The following CACNA1C variants were observed in gnomAD, a reference collection of about 807,000 sequenced individuals.
CACNA1C encodes the protein voltage-dependent L-type calcium channel subunit alpha-1C.
A neutral mutation model predicts 229.0 loss-of-function variants in CACNA1C; 30 were observed. The ratio of observed to expected loss-of-function variants is 0.13; its 90% confidence interval spans 0.10 to 0.18. The LOEUF is 0.18. Ranked by LOEUF, CACNA1C falls within the 10% of genes least tolerant of loss-of-function variation. CACNA1C has a pLI of 1.00. For synonymous variants in CACNA1C, 1,114 were observed against 1,132.5 expected (o/e 0.98, Z 0.33); for missense variants, 1,658 against 2,845.0 (o/e 0.58, Z 9.49).
At chr12:2,104,188 G>A (rs765439632) in intron 1 of CACNA1C, among the ~76,000 whole-genome samples, 5 of 152,120 alleles carry the variant, frequency 3.3e-5, no homozygotes, top group Non-Finnish European at 7.4e-5. Flanking sequence ...TTTTGATATT[G>A]ATTCTTCCTA....
rs2095311885 is a variant in CACNA1C, at chr12:2,654,608, G to T, written c.4141-539G>T. On this transcript the variant is annotated intron_variant, in intron 33 of 46. Transcript: ENST00000399655. This position sits in a 1 kb window ranked among gnomAD's most constrained non-coding sequence, Gnocchi z 4.4. ...TCGCAGAAAGACCCAAGATTCAGTT[G>T]CCAAAACCTTTTGAGACTAAAAGAG... Among the ~76,000 whole-genome samples, 1 of 152,170 alleles carries T rather than the reference G, an allele frequency of 6.6e-6. No homozygotes were observed. The highest frequency in any genetic ancestry group is 1.5e-5 in the Non-Finnish European group (1 of 68,032).
At chr12:2,625,654 C>G (rs191445018) in intron 29 of CACNA1C, among the ~76,000 whole-genome samples, 8 of 152,194 alleles carry the variant, frequency 5.3e-5, no homozygotes, top group Non-Finnish European at 1.2e-4. Flanking sequence ...ATCATTCTCA[C>G]AAAGCCCTAT....
At chr12:2,293,492 C>T (rs578045708) in intron 3 of CACNA1C, among the ~76,000 whole-genome samples, 8 of 152,350 alleles carry the variant, frequency 5.3e-5, no homozygotes, top group African/African-American at 9.6e-5. Flanking sequence ...ACTGGCCACA[C>T]GTGGTCCAGG....
At chr12:2,289,125 C>A (rs1203122758) in intron 3 of CACNA1C, among the ~76,000 whole-genome samples, 1 of 152,184 alleles carries the variant, frequency 6.6e-6, no homozygotes, top group African/African-American at 2.4e-5. Context: ...GCAGAGCCAG[C>A]AGGAGCCAAG....
intron 3 of CACNA1C, among the ~76,000 whole-genome samples, chr12:2,447,481 C>T (rs955745289): frequency 1.2e-4 from 19 of 152,204 alleles, no homozygotes; most frequent in Admixed American, 1.2e-3. Context: ...CTACGATGCA[C>T]ATTTCCAAGC....
At chr12:2,584,469 A>C (rs2061691770) in intron 15 of CACNA1C, 34 bp from the exon 16 acceptor site, 3 of 1,540,666 alleles carry the variant, frequency 1.9e-6, no homozygotes, top group Non-Finnish European at 2.7e-6. Context: ...ACCCCAAACC[A>C]AGGGTCATTT....
chr12:2,343,057 G>C (rs902266336), intron 3 of CACNA1C, among the ~76,000 whole-genome samples: 1 of 152,218 alleles, frequency 6.6e-6, no homozygotes, highest in Non-Finnish European at 1.5e-5. Flanking sequence ...GCTTTCAAGA[G>C]CTCAGCAACC....
At chr12:2,514,826 G>C (rs1170607047) in intron 9 of CACNA1C, among the ~76,000 whole-genome samples, 1 of 151,992 alleles carries the variant, frequency 6.6e-6, no homozygotes, top group Non-Finnish European at 1.5e-5. Context: ...AGAGTGTGCT[G>C]CTTCTCCATC....
intron 38 of CACNA1C, among the ~76,000 whole-genome samples, chr12:2,672,600 C>T (rs1379568429): frequency 2.0e-5 from 3 of 152,176 alleles, no homozygotes; most frequent in Admixed American, 6.5e-5. Context: ...CAGCACATCA[C>T]GCCATCTGTG....
intron 1 of CACNA1C, among the ~76,000 whole-genome samples, chr12:1,975,232 T>C (rs753268848): frequency 6.6e-5 from 10 of 152,144 alleles, no homozygotes; most frequent in Non-Finnish European, 1.5e-4. Context: ...AGTTAAATTG[T>C]GTTTTGGTTC....
At chr12:2,289,421 C>G (rs1318237477) in intron 3 of CACNA1C, among the ~76,000 whole-genome samples, 1 of 152,162 alleles carries the variant, frequency 6.6e-6, no homozygotes, top group Non-Finnish European at 1.5e-5. Flanking sequence ...TTAGAACCAT[C>G]AGAAGCCCAT....
At position 2,693,075 on chromosome 12, in the gene CACNA1C, G is replaced by A. The variant is rs2097804268; in HGVS notation, c.*1876G>A. 2 of 152,410 alleles carry A rather than the reference G, an allele frequency of 1.3e-5. No homozygotes were observed. Among genetic ancestry groups the A allele is most frequent in the Admixed American group, 1.3e-4 (2 of 15,272 alleles). The allele number at this position is 152,410 out of a possible 1,614,324, so 9.4% of individuals were successfully genotyped here. A position where few individuals can be genotyped will look rare whatever the true frequency, so the allele number is the denominator to read the frequency against. On this transcript the variant is annotated 3_prime_UTR_variant, in exon 47 of 47. Transcript: ENST00000399655. ...TCCACAAACAGGTTTGGACATTACT[G>A]TTTTGCATATCTTGTGTTTGCTTAC...
At chr12:2,311,137 A>G (rs1024772880) in intron 3 of CACNA1C, among the ~76,000 whole-genome samples, 3 of 152,150 alleles carry the variant, frequency 2.0e-5, no homozygotes, top group African/African-American at 7.2e-5. Flanking sequence ...TGACGTCAGT[A>G]GTTTTGGGGG....
intron 3 of CACNA1C, among the ~76,000 whole-genome samples, chr12:2,395,672 C>T (rs1323389050): frequency 6.6e-6 from 1 of 152,170 alleles, no homozygotes; most frequent in Non-Finnish European, 1.5e-5. Flanking sequence ...CCAGATTTTC[C>T]AGGCTAGAGC....
chr12:2,531,562 T>C (rs1294839823), intron 9 of CACNA1C, among the ~76,000 whole-genome samples: 4 of 152,200 alleles, frequency 2.6e-5, no homozygotes, highest in African/African-American at 4.8e-5. Flanking sequence ...AACAAGTCTG[T>C]GGCTAAGCTG....
At chr12:2,063,986 G>A (rs1036596261) in intron 1 of CACNA1C, among the ~76,000 whole-genome samples, 12 of 152,148 alleles carry the variant, frequency 7.9e-5, no homozygotes, top group African/African-American at 2.7e-4. Context: ...TGAAGCCCAC[G>A]TAGATGAGAC....
chr12:2,418,413 A>T (rs2154555412), intron 3 of CACNA1C, among the ~76,000 whole-genome samples: 1 of 152,290 alleles, frequency 6.6e-6, no homozygotes, highest in Middle Eastern at 3.4e-3. Flanking sequence ...AGGTTTTAGT[A>T]GAGAGAGAGA....
At chr12:2,685,658 T>C in intron 43 of CACNA1C, 78 bp from the exon 44 acceptor site, 5 of 1,066,036 alleles carry the variant, frequency 4.7e-6, no homozygotes, top group Non-Finnish European at 7.3e-6. Flanking sequence ...AGCAAAGTGC[T>C]TTCCGGGGGT....
At position 2,486,144 on chromosome 12, in the gene CACNA1C, C is replaced by A. The variant is rs758394964; in HGVS notation, c.798C>A (p.Val266=). 2 of 1,611,954 alleles carry A rather than the reference C, an allele frequency of 1.2e-6. No homozygotes were observed. The highest frequency in any genetic ancestry group is 1.3e-5 in the African/African-American group (1 of 75,004). Residue 266 remains valine (V), a synonymous_variant, in exon 6 of 47, where the codon GTC becomes GTA. Coordinates refer to ENST00000399655, the MANE Select transcript of CACNA1C (RefSeq NM_000719.7). This position sits in a 1 kb window ranked among gnomAD's most constrained non-coding sequence, Gnocchi z 4.9. ...VVLNSIIKAM[V]PLLHIALLVL... is the part of the protein sequence containing the mutation. ...TGAATTCCATCATCAAGGCCATGGT[C>A]CCCCTGCTGCACATCGCCCTGCTTG...
Sources: allele counts gnomAD v4.1 joint callset (sites outside exome capture counted in the v4.1 genomes callset), GRCh38; gene constraint gnomAD v4.1.1; non-coding constraint Gnocchi (gnomAD v3.1); transcripts MANE v1.5; gene names NCBI Gene and HGNC (gene_info 2026-07-23, HGNC 2026-07-21).